Variants in ASPH observed in about 807,000 individuals in gnomAD.
ASPH encodes the protein aspartyl/asparaginyl beta-hydroxylase.
A neutral mutation model predicts 118.4 loss-of-function variants in ASPH; 100 were observed. The observed-to-expected ratio is 0.84, with a 90% CI of 0.72 to 1.00. ASPH has a LOEUF of 1.00. ASPH is among the 50% of genes least tolerant of loss of function. The pLI is 0.00. For missense variants in ASPH, 920 were observed against 919.5 expected (o/e 1.00, Z -0.01); for synonymous variants, 315 against 325.6 (o/e 0.97, Z 0.35).
Position 61,708,143 on chromosome 8 carries a change from T to C in ASPH, c.103+6126A>G, listed in dbSNP as rs562237664. On this transcript the variant is annotated intron_variant, in intron 1 of 24. Transcript: ENST00000379454. ...CGCCTATATGGTCAGTACATGGGCA[T>C]CCACTGCATTACTCTCTACAATTAT... Among the ~76,000 whole-genome samples, 38 of 152,326 alleles carry C rather than the reference T, an allele frequency of 2.5e-4. No homozygotes were observed. In the South Asian group the frequency reaches 7.7e-3, roughly 31 times the overall value.
intron 21 of ASPH, among the ~76,000 whole-genome samples, chr8:61,528,996 C>G (rs1306372664): frequency 6.6e-6 from 1 of 151,356 alleles, no homozygotes. Context: ...CGCTTATTTT[C>G]TCTTTTGAGT....
At chr8:61,584,651 C>CT (rs1838756942) in intron 14 of ASPH, among the ~76,000 whole-genome samples, 1 of 134,356 alleles carries the variant, frequency 7.4e-6, no homozygotes, top group South Asian at 2.3e-4. Context: ...TTCTTTCTTT[C>CT]TTTTTCTTTC....
intron 1 of ASPH, among the ~76,000 whole-genome samples, chr8:61,691,278 A>G (rs1832573401): frequency 1.3e-5 from 2 of 152,214 alleles, no homozygotes; most frequent in African/African-American, 4.8e-5. Context: ...TTGGTACCAT[A>G]GTCTGCAACC....
At chr8:61,597,810 TAA>T in intron 14 of ASPH, among the ~76,000 whole-genome samples, 1 of 152,160 alleles carries the variant, frequency 6.6e-6, no homozygotes, top group Non-Finnish European at 1.5e-5. Flanking sequence ...GAAGGAGGAA[TAA>T]AGTCTTTCTT....
At chr8:61,513,382 C>A (rs895972209) in intron 24 of ASPH, among the ~76,000 whole-genome samples, 1 of 152,172 alleles carries the variant, frequency 6.6e-6, no homozygotes, top group Admixed American at 6.5e-5. Context: ...TTAATTGACC[C>A]ATTTCTCTTA....
At chr8:61,657,238 A>C (rs1385754939) in intron 3 of ASPH, 1 of 152,180 alleles carries the variant, frequency 6.6e-6, no homozygotes. Flanking sequence ...TGTAAGTTAC[A>C]CGTGTGTTTC....
At chr8:61,631,376 A>G (rs193208055) in intron 13 of ASPH, among the ~76,000 whole-genome samples, 1 of 152,262 alleles carries the variant, frequency 6.6e-6, no homozygotes, top group East Asian at 1.9e-4. Context: ...CTATACAGGT[A>G]TATCTTTTTA....
rs775872876 is a variant in ASPH at position 61,637,948 on chromosome 8, T to G, written c.888A>C (p.Glu296Asp). The G allele has an allele frequency of 1.2e-6, 2 of 1,607,934 alleles. No individual in the cohort carries two copies. Among genetic ancestry groups the G allele is most frequent in the Non-Finnish European group, 1.7e-6 (2 of 1,177,456 alleles). Residue 296 changes from glutamate to aspartate, a missense_variant and splice_region_variant, in exon 12 of 25, where the codon GAA becomes GAC. Glu to Asp is a conservative substitution (Grantham distance 45). Transcript: ENST00000379454. ...ACCACTTCCATAAATTTATCTTACC[T>G]TCTACAATTACCTGTGAATCTTCTA... is the stretch of plus-strand genomic sequence containing the variant. The part of the protein sequence containing the change: ...NPVEDSQVIV[E>D]EVSIFPVEEQ...
At chr8:61,624,518 C>CA in intron 13 of ASPH, 2 of 964,994 alleles carry the variant, frequency 2.1e-6, no homozygotes, top group Non-Finnish European at 2.5e-6. Flanking sequence ...CCTTATACTT[C>CA]AAAAATAATG....
Position 61,593,447 on chromosome 8 carries a change from A to C in ASPH, c.977-9418T>G, listed in dbSNP as rs561696683. Among the ~76,000 whole-genome samples the C allele has an allele frequency of 2.6e-5, 4 of 152,354 alleles. No individual in the cohort carries two copies. In the East Asian group the frequency reaches 7.7e-4, roughly 29 times the overall value. Reference sequence around the variant, plus strand: ...AATTAATTATCAACTATATACCAGCAGGAGGTCAATATTCAAAGCTTAAAC... The same window carrying C: ...AATTAATTATCAACTATATACCAGCCGGAGGTCAATATTCAAAGCTTAAAC... On this transcript the variant is annotated intron_variant, in intron 14 of 24. Coordinates refer to ENST00000379454, the MANE Select transcript of ASPH (RefSeq NM_004318.4).
chr8:61,712,313 C>A (rs375222354), intron 1 of ASPH, among the ~76,000 whole-genome samples: 1 of 152,152 alleles, frequency 6.6e-6, no homozygotes, highest in Non-Finnish European at 1.5e-5. Flanking sequence ...CTACTATACA[C>A]GACACTGTAC....
At position 61,642,923 on chromosome 8, in the gene ASPH, GA is replaced by G. The variant is rs376027589; in HGVS notation, c.758-4del. ...ATAGACTTGGTATGTTACATCATCT[GA>G]AAAAAAAAAGAGAATAAAAGCAAAA... is the stretch of plus-strand genomic sequence containing the variant. On this transcript the variant is annotated splice_region_variant and splice_polypyrimidine_tract_variant and intron_variant, in intron 9 of 24. Transcript: ENST00000379454. The G allele has an allele frequency of 8.7e-4, 1,188 of 1,366,564 alleles. No individual in the cohort carries two copies. The highest frequency in any genetic ancestry group is 2.3e-3 in the Admixed American group (90 of 38,354). The allele number at this position is 1,366,564 out of a possible 1,614,324, so 84.7% of individuals were successfully genotyped here.
At chr8:61,537,507 C>A (rs1357814396) in intron 21 of ASPH, among the ~76,000 whole-genome samples, 5 of 152,178 alleles carry the variant, frequency 3.3e-5, no homozygotes, top group African/African-American at 1.2e-4. Context: ...ATAGTTGGGA[C>A]TACAGGTGCA....
chr8:61,654,575 T>C (rs1346741802), intron 3 of ASPH, among the ~76,000 whole-genome samples: 1 of 152,232 alleles, frequency 6.6e-6, no homozygotes, highest in Non-Finnish European at 1.5e-5. Flanking sequence ...TGCACACTAA[T>C]GTGGTCTGGA....
At chr8:61,575,338 G>A (rs1348292042) in intron 16 of ASPH, among the ~76,000 whole-genome samples, 1 of 152,108 alleles carries the variant, frequency 6.6e-6, no homozygotes, top group Non-Finnish European at 1.5e-5. Flanking sequence ...TTGCTCAAAT[G>A]TCACCTCCTT....
At chr8:61,526,344 A>G (rs1014373365) in intron 21 of ASPH, among the ~76,000 whole-genome samples, 2 of 152,200 alleles carry the variant, frequency 1.3e-5, no homozygotes, top group African/African-American at 4.8e-5. Context: ...AATAACTCCT[A>G]GAAACTTCAC....
chr8:61,604,628 T>A (rs1259184234), intron 14 of ASPH, among the ~76,000 whole-genome samples: 1 of 152,250 alleles, frequency 6.6e-6, no homozygotes, highest in Non-Finnish European at 1.5e-5. Context: ...TGATACATGT[T>A]GTGATCCCTT....
At chr8:61,644,825 TC>T (rs1807075012) in intron 6 of ASPH, among the ~76,000 whole-genome samples, 193 bp from the exon 7 acceptor site, 2 of 152,182 alleles carry the variant, frequency 1.3e-5, no homozygotes, top group South Asian at 4.1e-4. Flanking sequence ...TCACACATTC[TC>T]CTTCTCAGTC....
chr8:61,670,893 A>C (rs755808258), intron 3 of ASPH, among the ~76,000 whole-genome samples: 3 of 152,148 alleles, frequency 2.0e-5, no homozygotes, highest in Non-Finnish European at 4.4e-5. Flanking sequence ...AGCAGAAAGC[A>C]AAATCATCTC....
Sources: gnomAD v4.1 joint callset for allele counts (sites outside exome capture counted in the v4.1 genomes callset) on GRCh38, gnomAD v4.1.1 for gene constraint, MANE v1.5 for transcripts, NCBI Gene and HGNC (gene_info 2026-07-23, HGNC 2026-07-21) for gene names.